RBM34: variants seen among roughly 807,000 people sequenced by gnomAD.
RBM34 encodes RNA binding motif protein 34.
Under a neutral mutation model 44.6 loss-of-function variants are expected in RBM34, and 39 were observed. That is an observed-to-expected ratio of 0.87 (90% CI 0.68 to 1.14). RBM34 has a LOEUF of 1.14. Among genes scored for constraint, RBM34 ranks in the 50% most tolerant of loss-of-function variants. RBM34 has a pLI of 0.00. For synonymous variants in RBM34, 194 were observed against 184.0 expected (o/e 1.05, Z -0.44); for missense variants, 572 against 517.9 (o/e 1.10, Z -1.01).
At chr1:235,147,450 T>C (rs1282161500) in intron 6 of RBM34, among the ~76,000 whole-genome samples, 1 of 152,096 alleles carries the variant, frequency 6.6e-6, no homozygotes, top group African/African-American at 2.4e-5. Flanking sequence ...AAAAGAAGGG[T>C]TGTATCTTAC....
chr1:235,138,520 C>A (rs1034606963), intron 6 of RBM34, among the ~76,000 whole-genome samples: 1 of 152,182 alleles, frequency 6.6e-6, no homozygotes, highest in Non-Finnish European at 1.5e-5. Context: ...TTGTGAAAGA[C>A]GTGAGTTTTC....
Position 235,152,874 on chromosome 1 carries a change from T to C in RBM34, c.598-109A>G, listed in dbSNP as rs1234702218. 20 of 827,170 alleles carry C rather than the reference T, an allele frequency of 2.4e-5. No homozygotes were observed. The East Asian group carries it at 6.7e-4, about 28-fold the overall frequency. 51.2% of individuals were successfully genotyped at this position (827,170 alleles called of 1,614,324 possible). ...TGATAATCCTCTACTGCCAGGCTTTTTTTTTTTTTTTTGAGACAGAGTCTT... is the reference window on the plus strand; with the variant it reads ...TGATAATCCTCTACTGCCAGGCTTTCTTTTTTTTTTTTGAGACAGAGTCTT... On this transcript the variant is annotated intron_variant, in intron 4 of 10. Transcript: ENST00000408888.
chr1:235,142,753 C>T (rs1404716306), intron 6 of RBM34, among the ~76,000 whole-genome samples: 5 of 150,866 alleles, frequency 3.3e-5, no homozygotes, highest in Non-Finnish European at 4.4e-5. Flanking sequence ...CATGGTGAAA[C>T]CCCGTCTCTA....
rs555168963 is a variant in RBM34 at position 235,152,591 on chromosome 1, C to T, written c.657+115G>A. The T allele has an allele frequency of 6.1e-6, 9 of 1,480,216 alleles. No individual in the cohort carries two copies. In the African/African-American group the frequency reaches 8.7e-5, roughly 14 times the overall value. 91.7% of individuals were successfully genotyped at this position (1,480,216 alleles called of 1,614,324 possible). ...ACTCTTTTCTTGGGTTAAATTTGAA[C>T]CTATTGATTCAAAAGGTTAAAGTGC... On this transcript the variant is annotated intron_variant, in intron 5 of 10. Transcript: ENST00000408888.
intron 6 of RBM34, among the ~76,000 whole-genome samples, chr1:235,146,250 G>T (rs907019046): frequency 1.3e-5 from 2 of 152,030 alleles, no homozygotes; most frequent in Admixed American, 6.6e-5. Flanking sequence ...CCGGCCTTCA[G>T]CATTATTTGT....
Position 235,160,596 on chromosome 1 carries a change from T to C in RBM34, c.280A>G (p.Ile94Val). 1 of 1,614,088 alleles carries C rather than the reference T, an allele frequency of 6.2e-7. No homozygotes were observed. ...GGTTCTTGCGAAAGTGGTCTTTCAA[T>C]CTGGGATGTACTTTCTTCCTCCTCA... is the stretch of plus-strand genomic sequence containing the variant. ...RNEEEESTSQIERPLSQEPAK... is the reference protein window; with the variant it reads ...RNEEEESTSQVERPLSQEPAK... The change falls in exon 3 of 11, where the codon ATT (isoleucine) becomes GTT (valine). Residue 94 changes from isoleucine (I) to valine (V), a missense_variant. Coordinates refer to ENST00000408888, the MANE Select transcript of RBM34 (RefSeq NM_015014.4).
At chr1:235,133,263 CCT>C (rs1230266663) in intron 10 of RBM34, among the ~76,000 whole-genome samples, 1 of 152,148 alleles carries the variant, frequency 6.6e-6, no homozygotes, top group Non-Finnish European at 1.5e-5. Context: ...ATCGCTAGAG[CCT>C]GGGAGGCAGA....
intron 6 of RBM34, among the ~76,000 whole-genome samples, chr1:235,139,881 T>G (rs919652063): frequency 3.9e-5 from 6 of 152,184 alleles, no homozygotes; most frequent in Non-Finnish European, 1.5e-5. Flanking sequence ...GCAGGAAAGA[T>G]TCCAGCCATG....
intron 6 of RBM34, among the ~76,000 whole-genome samples, chr1:235,142,091 G>C (rs959672005): frequency 1.3e-5 from 2 of 152,082 alleles, no homozygotes. Flanking sequence ...TCCAGCTACC[G>C]GGGGAGAGGT....
rs957184807 is a variant in RBM34 at position 235,156,753 on chromosome 1, ATACT to A, written c.366-1645_366-1642del. The A allele has an allele frequency of 6.6e-5, 26 of 394,040 alleles. No homozygotes were observed. In the Admixed American group the frequency reaches 9.8e-4, roughly 15 times the overall value. The allele number at this position is 394,040 out of a possible 1,614,324, so 24.4% of individuals were successfully genotyped here. ...ATAAAAATGACTCACTCATCAGCAAATACTTACCGGGTTCCTACTCAGTTCTAGG... is the reference window on the plus strand; with the variant it reads ...ATAAAAATGACTCACTCATCAGCAAATACCGGGTTCCTACTCAGTTCTAGG... On this transcript the variant is annotated intron_variant, in intron 3 of 10. Transcript: ENST00000408888.
intron 5 of RBM34, among the ~76,000 whole-genome samples, chr1:235,150,247 G>A (rs923257293): frequency 1.2e-4 from 19 of 152,076 alleles, no homozygotes; most frequent in Admixed American, 1.0e-3. Context: ...GCTAGTTTTC[G>A]TATTTTTAGT....
At chr1:235,141,786 G>A (rs1303641913) in intron 6 of RBM34, among the ~76,000 whole-genome samples, 2 of 152,112 alleles carry the variant, frequency 1.3e-5, no homozygotes, top group East Asian at 3.8e-4. Context: ...AACACTCACT[G>A]CGAAGGTCTG....
Position 235,131,534 on chromosome 1 carries a change from C to A in RBM34, c.*179G>T, listed in dbSNP as rs916287473. The A allele has an allele frequency of 3.0e-5, 21 of 692,358 alleles. No homozygotes were observed. Among genetic ancestry groups the A allele is most frequent in the Non-Finnish European group, 4.2e-5 (19 of 449,982 alleles). 42.9% of individuals were successfully genotyped at this position (692,358 alleles called of 1,614,324 possible). On this transcript the variant is annotated 3_prime_UTR_variant, in exon 11 of 11. Transcript: ENST00000408888. ...AAAAAACAAAACAAAAACAAAAAAA[C>A]CTTCAAAGGTAGTATCACAATGTGA...
chr1:235,146,102 A>G (rs577621373), intron 6 of RBM34, among the ~76,000 whole-genome samples: 1 of 150,436 alleles, frequency 6.6e-6, no homozygotes, highest in African/African-American at 2.4e-5. Context: ...AGCTGGGACT[A>G]CAGTGCACAG....
chr1:235,140,247 G>C (rs1257471685), intron 6 of RBM34, among the ~76,000 whole-genome samples: 2 of 152,204 alleles, frequency 1.3e-5, no homozygotes, highest in African/African-American at 2.4e-5. Context: ...GCTGGCCAAG[G>C]CCGGAGCCGG....
At chr1:235,149,192 T>G (rs995282013) in intron 5 of RBM34, among the ~76,000 whole-genome samples, 2 of 151,554 alleles carry the variant, frequency 1.3e-5, no homozygotes, top group Non-Finnish European at 2.9e-5. Context: ...GTTGAGACCA[T>G]CCTGGCTAAC....
In RBM34 at chr1:235,152,749, A is replaced by G. The variant is rs1662217874; in HGVS notation, c.614T>C (p.Phe205Ser). The G allele has an allele frequency of 6.3e-7, 1 of 1,586,686 alleles. No individual in the cohort carries two copies. Among genetic ancestry groups the G allele is most frequent in the Admixed American group, 1.8e-5 (1 of 55,076 alleles). ...AGATTCTATTTGTCCATACTCTTTA[A>G]AAAACGACTTCAGCTTCTAAAATTA... ...TCNKKKLKSF[F>S]KEYGQIESVR... Residue 205 changes from phenylalanine to serine, a missense_variant, in exon 5 of 11, where the codon TTT becomes TCT. By Grantham distance (155) the Phe-to-Ser change is radical. Transcript: ENST00000408888.
chr1:235,144,771 G>A (rs890526160), intron 6 of RBM34, among the ~76,000 whole-genome samples: 1 of 152,136 alleles, frequency 6.6e-6, no homozygotes, highest in Non-Finnish European at 1.5e-5. Flanking sequence ...GGCCCAGCGC[G>A]GTGGCTCATG....
chr1:235,152,049 A>T (rs1207159639), intron 5 of RBM34, among the ~76,000 whole-genome samples: 1 of 152,106 alleles, frequency 6.6e-6, no homozygotes, highest in Non-Finnish European at 1.5e-5. Context: ...AAAAAAATAG[A>T]ATAAACATTT....
Sources: gnomAD v4.1 joint callset for allele counts (sites outside exome capture counted in the v4.1 genomes callset) on GRCh38, gnomAD v4.1.1 for gene constraint, MANE v1.5 for transcripts, NCBI Gene and HGNC (gene_info 2026-07-23, HGNC 2026-07-21) for gene names.